The following KAZN variants were observed in gnomAD, a reference collection of about 807,000 sequenced individuals.
KAZN encodes the protein kazrin.
In KAZN, 40 loss-of-function variants were observed where a neutral mutation model predicts 87.4. The ratio of observed to expected loss-of-function variants is 0.46; its 90% CI spans 0.36 to 0.60. KAZN has a LOEUF of 0.60. Among genes scored for constraint, KAZN ranks in the 20% least tolerant of loss-of-function variants. The pLI is 0.00. For missense variants in KAZN, 898 were observed against 1,073.9 expected (o/e 0.84, Z 2.29); for synonymous variants, 466 against 458.3 (o/e 1.02, Z -0.22).
chr1:14,476,049 G>A (rs933382353), intron 2 of KAZN, among the ~76,000 whole-genome samples: 3 of 152,142 alleles, frequency 2.0e-5, no homozygotes, highest in African/African-American at 7.2e-5. Flanking sequence ...AGCCCAACAG[G>A]CAGGTAATAG....
intron 1 of KAZN, among the ~76,000 whole-genome samples, chr1:14,064,969 T>C (rs1298933848): frequency 6.6e-6 from 1 of 152,152 alleles, no homozygotes; most frequent in Non-Finnish European, 1.5e-5. Flanking sequence ...GCGGAAAACA[T>C]GTGTCCTTTA....
intron 4 of KAZN, among the ~76,000 whole-genome samples, chr1:15,045,835 C>G (rs890760230): frequency 9.9e-5 from 15 of 152,168 alleles, no homozygotes; most frequent in African/African-American, 3.4e-4. Context: ...CATTCTATCA[C>G]TATCACGAGA....
chr1:13,959,397 A>T (rs1641669599), intron 1 of KAZN, among the ~76,000 whole-genome samples: 1 of 152,198 alleles, frequency 6.6e-6, no homozygotes, highest in African/African-American at 2.4e-5. Flanking sequence ...ATGCTCTGGG[A>T]TGGACTGTAA....
At chr1:14,003,332 TAAA>T (rs572382814) in intron 1 of KAZN, among the ~76,000 whole-genome samples, 4 of 128,800 alleles carry the variant, frequency 3.1e-5, no homozygotes, top group Admixed American at 7.8e-5. Context: ...AAAGTAAAAT[TAAA>T]AAAAAAAAAA....
chr1:14,700,387 C>T (rs1457626053), intron 1 of KAZN, among the ~76,000 whole-genome samples: 1 of 151,918 alleles, frequency 6.6e-6, no homozygotes, highest in African/African-American at 2.4e-5. Context: ...AGGAGAATCG[C>T]TTGAACCCGG....
At chr1:14,743,120 G>C (rs563279755) in intron 1 of KAZN, among the ~76,000 whole-genome samples, 1 of 152,294 alleles carries the variant, frequency 6.6e-6, no homozygotes, top group South Asian at 2.1e-4. Flanking sequence ...AGAGTTCCAT[G>C]GGGGTCAGGA....
chr1:14,631,650 C>T (rs535738661), intron 1 of KAZN, among the ~76,000 whole-genome samples: 4 of 152,362 alleles, frequency 2.6e-5, no homozygotes, highest in South Asian at 4.1e-4. Context: ...AGATTATGCA[C>T]GTTGCAGCTT....
chr1:14,379,334 A>G (rs1661174512), intron 2 of KAZN, among the ~76,000 whole-genome samples: 1 of 151,800 alleles, frequency 6.6e-6, no homozygotes. Flanking sequence ...CTACAGGGAG[A>G]GACTCCTTCC....
intron 1 of KAZN, among the ~76,000 whole-genome samples, chr1:14,113,831 G>A (rs928764919): frequency 1.3e-5 from 2 of 152,206 alleles, no homozygotes; most frequent in African/African-American, 4.8e-5. Flanking sequence ...TATGCCAAGG[G>A]CTTTGCATGG....
At chr1:13,980,154 A>T (rs576902543) in intron 1 of KAZN, among the ~76,000 whole-genome samples, 1 of 152,250 alleles carries the variant, frequency 6.6e-6, no homozygotes, top group East Asian at 1.9e-4. Flanking sequence ...AATAATATAC[A>T]CATGAGAATC....
intron 1 of KAZN, among the ~76,000 whole-genome samples, chr1:14,729,274 C>T (rs544146791): frequency 6.6e-6 from 1 of 152,312 alleles, no homozygotes; most frequent in African/African-American, 2.4e-5. Flanking sequence ...GTGACCCTTG[C>T]TATCTGGTTG....
chr1:14,448,496 C>T (rs1274945329), intron 2 of KAZN, among the ~76,000 whole-genome samples: 2 of 152,232 alleles, frequency 1.3e-5, no homozygotes, highest in Non-Finnish European at 2.9e-5. Context: ...GACTGTATTG[C>T]TGGACTCTTT....
chr1:13,951,604 A>C (rs1329160486), intron 1 of KAZN, among the ~76,000 whole-genome samples: 1 of 149,688 alleles, frequency 6.7e-6, no homozygotes, highest in Non-Finnish European at 1.5e-5. Flanking sequence ...ACTGCTTAGA[A>C]TCTTAGCTCT....
chr1:15,110,397 GTGTC>G (rs963243500), intron 13 of KAZN, among the ~76,000 whole-genome samples: 9 of 150,076 alleles, frequency 6.0e-5, no homozygotes, highest in African/African-American at 2.2e-4. Flanking sequence ...GTGTTTGTGT[GTGTC>G]TGTGTATTTG....
At chr1:14,366,813 A>G (rs1391911108) in intron 2 of KAZN, among the ~76,000 whole-genome samples, 4 of 152,242 alleles carry the variant, frequency 2.6e-5, no homozygotes, top group Non-Finnish European at 5.9e-5. Context: ...CAGCAAGGGC[A>G]GATGGTCAGT....
At chr1:14,861,710 G>A (rs975099607) in intron 1 of KAZN, among the ~76,000 whole-genome samples, 1 of 152,154 alleles carries the variant, frequency 6.6e-6, no homozygotes, top group Non-Finnish European at 1.5e-5. Context: ...ACTGATTGAT[G>A]CAAGGTAGGC....
At chr1:14,369,199 G>A (rs1660266135) in intron 2 of KAZN, among the ~76,000 whole-genome samples, 2 of 152,124 alleles carry the variant, frequency 1.3e-5, no homozygotes, top group African/African-American at 4.8e-5. Context: ...TTCCTCTCAG[G>A]AGAAATGTTC....
At chr1:14,581,864 A>G (rs957469206) in intron 2 of KAZN, among the ~76,000 whole-genome samples, 1 of 152,142 alleles carries the variant, frequency 6.6e-6, no homozygotes, top group Non-Finnish European at 1.5e-5. Context: ...ACCATCTCAT[A>G]TAAAATAGAA....
chr1:14,307,154 G>T (rs777769393), intron 2 of KAZN, among the ~76,000 whole-genome samples: 1 of 152,068 alleles, frequency 6.6e-6, no homozygotes, highest in Non-Finnish European at 1.5e-5. Flanking sequence ...CTGCCTCCTC[G>T]TGAAGTCCTG....
Sources: allele counts gnomAD v4.1 joint callset (sites outside exome capture counted in the v4.1 genomes callset), GRCh38; gene constraint gnomAD v4.1.1; transcripts MANE v1.5; gene names NCBI Gene and HGNC (gene_info 2026-07-23, HGNC 2026-07-21).